Variants in GRM5 observed in about 807,000 individuals in gnomAD.
GRM5 encodes the protein glutamate metabotropic receptor 5.
Under a neutral mutation model 83.1 loss-of-function variants are expected in GRM5, and 19 were observed. That is an observed-to-expected ratio of 0.23 (90% CI 0.16 to 0.34). GRM5 has a LOEUF of 0.34. Ranked by LOEUF, GRM5 falls within the 10% of genes least tolerant of loss-of-function variation. The pLI is 1.00. For missense variants in GRM5, 1,160 were observed against 1,588.3 expected (o/e 0.73, Z 4.58); for synonymous variants, 675 against 633.6 (o/e 1.07, Z -0.98).
Position 88,916,757 on chromosome 11 carries a change from T to C in GRM5, c.662-66602A>G, listed in dbSNP as rs550377643. 5.7e-4 allele frequency among the ~76,000 whole-genome samples: 19 copies of C among 33,516 alleles called. No individual in the cohort carries two copies. The South Asian group carries it at 0.032, about 56-fold the overall frequency. The allele number at this position is 33,516 out of a possible 152,430, so 22.0% of individuals were successfully genotyped here. A position where few individuals can be genotyped will look rare whatever the true frequency, so the allele number is the denominator to read the frequency against. ...CAATTCTGGGAGAATTCCTCCAGCT[T>C]GAGGAAAAGAGAGAGAAAAGAGAAC... is the stretch of plus-strand genomic sequence containing the variant. On this transcript the variant is annotated intron_variant, in intron 2 of 9. Coordinates refer to ENST00000305447, the MANE Select transcript of GRM5 (RefSeq NM_001143831.3).
chr11:88,616,790 A>G (rs549499270), intron 4 of GRM5, among the ~76,000 whole-genome samples: 3 of 152,306 alleles, frequency 2.0e-5, no homozygotes, highest in Admixed American at 2.0e-4. Context: ...ATTCAATACA[A>G]AAATTGCCTG....
intron 1 of GRM5, among the ~76,000 whole-genome samples, chr11:89,049,215 G>A (rs1439779861): frequency 1.3e-5 from 2 of 152,116 alleles, no homozygotes; most frequent in African/African-American, 2.4e-5. Context: ...ATGTATGTTT[G>A]GAACTATTCT....
chr11:88,744,959 T>C (rs1455624478), intron 3 of GRM5, among the ~76,000 whole-genome samples: 1 of 152,114 alleles, frequency 6.6e-6, no homozygotes, highest in Non-Finnish European at 1.5e-5. Context: ...ATGACTGACA[T>C]TGATTGAAGA....
chr11:88,531,887 G>A (rs1417586589), intron 8 of GRM5, among the ~76,000 whole-genome samples: 1 of 151,984 alleles, frequency 6.6e-6, no homozygotes. Context: ...TCCCCTTGAA[G>A]GAGCATTGTG....
intron 3 of GRM5, among the ~76,000 whole-genome samples, chr11:88,728,719 C>T (rs148794542): frequency 6.6e-6 from 1 of 152,126 alleles, no homozygotes; most frequent in Non-Finnish European, 1.5e-5. Flanking sequence ...GCTGGTTCAA[C>T]ATATGCAAAT....
intron 3 of GRM5, among the ~76,000 whole-genome samples, chr11:88,842,799 C>T (rs577084039): frequency 6.6e-6 from 1 of 152,174 alleles, no homozygotes; most frequent in Non-Finnish European, 1.5e-5. Flanking sequence ...CCTGATGAGT[C>T]TCTCAATTCT....
chr11:88,925,727 G>C (rs1368542426), intron 2 of GRM5: 3 of 453,414 alleles, frequency 6.6e-6, no homozygotes, highest in South Asian at 3.1e-5. Flanking sequence ...GCCTGGCCAA[G>C]ATGACAAAAC....
chr11:88,580,853 C>A (rs971090276), intron 7 of GRM5, among the ~76,000 whole-genome samples: 1 of 152,142 alleles, frequency 6.6e-6, no homozygotes, highest in Non-Finnish European at 1.5e-5. Context: ...TAATAAACAC[C>A]TGTTAGGCCA....
chr11:89,039,158 G>A lies in GRM5; in HGVS notation c.661+8054C>T, dbSNP rs1343859145. The stretch of plus-strand genomic sequence containing the variant: ...CACGCACCTGTAATCCCAGCTACTC[G>A]GGAGACTCAGGCAGGAGAGTTGCTT... On this transcript the variant is annotated intron_variant, in intron 2 of 9. Transcript: ENST00000305447. Among the ~76,000 whole-genome samples the A allele has an allele frequency of 4.6e-5, 7 of 151,750 alleles. No homozygotes were observed. In the South Asian group the frequency reaches 8.3e-4, roughly 18 times the overall value.
intron 3 of GRM5, among the ~76,000 whole-genome samples, chr11:88,685,312 G>T (rs1207802063): frequency 5.3e-5 from 8 of 152,144 alleles, no homozygotes; most frequent in Admixed American, 2.6e-4. Flanking sequence ...TGAGAGAGAT[G>T]ATTTAGGGTA....
chr11:88,888,200 G>T (rs1945077541), intron 2 of GRM5, among the ~76,000 whole-genome samples: 1 of 152,148 alleles, frequency 6.6e-6, no homozygotes. Flanking sequence ...ACCCTGATAG[G>T]CATATAGAAG....
chr11:89,064,326 T>C (rs1565357927), intron 1 of GRM5, among the ~76,000 whole-genome samples: 1 of 152,016 alleles, frequency 6.6e-6, no homozygotes, highest in Non-Finnish European at 1.5e-5. Flanking sequence ...AATAAAACAC[T>C]AAAAAAATAG....
chr11:88,708,662 G>A (rs766133829), intron 3 of GRM5, among the ~76,000 whole-genome samples: 12 of 151,902 alleles, frequency 7.9e-5, no homozygotes, highest in Non-Finnish European at 1.8e-4. Flanking sequence ...CAAACATTCA[G>A]GGTTTAGTAA....
chr11:88,842,828 T>C (rs1448820710), intron 3 of GRM5, among the ~76,000 whole-genome samples: 1 of 152,200 alleles, frequency 6.6e-6, no homozygotes, highest in Non-Finnish European at 1.5e-5. Flanking sequence ...CCTATATATC[T>C]CTTCTGAGCT....
chr11:88,720,373 G>A (rs147951168), intron 3 of GRM5, among the ~76,000 whole-genome samples: 132 of 152,154 alleles, frequency 8.7e-4, no homozygotes, highest in African/African-American at 3.0e-3. Context: ...AAGTGAAGGT[G>A]GAAGTAAGCA....
At chr11:88,607,621 A>C (rs1266531948) in intron 4 of GRM5, among the ~76,000 whole-genome samples, 1 of 152,174 alleles carries the variant, frequency 6.6e-6, no homozygotes, top group Non-Finnish European at 1.5e-5. Flanking sequence ...TGGCCTTCAA[A>C]GACATACAGG....
chr11:88,791,583 C>A (rs939962252), intron 3 of GRM5, among the ~76,000 whole-genome samples: 7 of 152,076 alleles, frequency 4.6e-5, no homozygotes, highest in Non-Finnish European at 1.0e-4. Context: ...ATAACTTGGA[C>A]AAGGACAGCC....
intron 1 of GRM5, among the ~76,000 whole-genome samples, chr11:89,059,357 T>C (rs1226453478): frequency 6.6e-6 from 1 of 152,184 alleles, no homozygotes; most frequent in Non-Finnish European, 1.5e-5. Context: ...TCTTCAAGCA[T>C]TTGCATGTTT....
chr11:88,510,388 G>C (rs1461015179), intron 9 of GRM5, among the ~76,000 whole-genome samples: 1 of 152,220 alleles, frequency 6.6e-6, no homozygotes, highest in African/African-American at 2.4e-5. Context: ...TGTGATTGGT[G>C]CCTCAGCCTC....
Sources: allele counts gnomAD v4.1 joint callset (sites outside exome capture counted in the v4.1 genomes callset), GRCh38; gene constraint gnomAD v4.1.1; transcripts MANE v1.5; gene names NCBI Gene and HGNC (gene_info 2026-07-23, HGNC 2026-07-21).